Variants in DST observed in about 807,000 individuals in gnomAD.
The protein encoded by DST is bullous pemphigoid antigen.
In DST, 253 loss-of-function variants were observed where a neutral mutation model predicts 875.2. That is an observed-to-expected ratio of 0.29 (90% CI 0.26 to 0.32). DST has a LOEUF of 0.32. DST is among the 10% of genes least tolerant of loss of function. The pLI, the probability that DST is intolerant of heterozygous loss-of-function variation, is 1.00. For synonymous variants in DST, 3,124 were observed against 3,197.1 expected (o/e 0.98, Z 0.77); for missense variants, 8,287 against 9,111.6 (o/e 0.91, Z 3.68).
intron 39 of DST, among the ~76,000 whole-genome samples, chr6:56,610,070 A>C (rs2098532227): frequency 6.6e-6 from 1 of 152,172 alleles, no homozygotes; most frequent in Non-Finnish European, 1.5e-5. Flanking sequence ...ACAATCTCTA[A>C]CACATCAATG....
At chr6:56,815,618 G>A (rs2099765594) in intron 4 of DST, among the ~76,000 whole-genome samples, 1 of 152,134 alleles carries the variant, frequency 6.6e-6, no homozygotes, top group African/African-American at 2.4e-5. Context: ...AGATGCCTCT[G>A]AAGCCCAAGT....
intron 9 of DST, among the ~76,000 whole-genome samples, chr6:56,687,534 CAT>C (rs543234671): frequency 1.1e-3 from 169 of 152,292 alleles, no homozygotes; most frequent in African/African-American, 4.0e-3. Context: ...GGTACACACA[CAT>C]GGCTGAGAAC....
intron 4 of DST, among the ~76,000 whole-genome samples, chr6:56,760,738 C>G (rs1487865304): frequency 6.6e-6 from 1 of 152,144 alleles, no homozygotes; most frequent in East Asian, 1.9e-4. Flanking sequence ...ATTTGCTGAG[C>G]ACTTATTATA....
rs550746125 is a variant in DST at position 56,773,332 on chromosome 6, A to C, written c.626-38043T>G. Among the ~76,000 whole-genome samples the C allele has an allele frequency of 2.0e-4, 31 of 152,042 alleles. No individual in the cohort carries two copies. In the South Asian group the frequency reaches 5.8e-3, roughly 29 times the overall value. ...ATAAGTTATTGGTCCAGATTTATTT[A>C]GTTATTCTTTCACCCTGTCTCTTAT... On this transcript the variant is annotated intron_variant, in intron 4 of 103. Transcript: ENST00000680361.
intron 2 of DST, among the ~76,000 whole-genome samples, chr6:56,914,590 T>C (rs982619687): frequency 6.6e-6 from 1 of 152,208 alleles, no homozygotes; most frequent in Non-Finnish European, 1.5e-5. Flanking sequence ...TAGGGTGTTT[T>C]TCCCGAGGGC....
chr6:56,782,360 T>C (rs1360602604), intron 4 of DST, among the ~76,000 whole-genome samples: 2 of 152,190 alleles, frequency 1.3e-5, no homozygotes, highest in African/African-American at 2.4e-5. Context: ...TCCTGGACTC[T>C]TTTTGGTTGG....
chr6:56,681,907 C>T (rs1315576669), intron 9 of DST, among the ~76,000 whole-genome samples: 1 of 152,172 alleles, frequency 6.6e-6, no homozygotes, highest in East Asian at 1.9e-4. Flanking sequence ...CAGCCCCCAA[C>T]CAATCCACCT....
In DST at chr6:56,506,612, T is replaced by C. The variant is rs965437495; in HGVS notation, c.19362+55A>G. ...ACTTTCAACTACTGTTAACAAAATA[T>C]TTTAGTTAACTAAAAACTTTTTAAA... On this transcript the variant is annotated intron_variant, in intron 76 of 103. Coordinates refer to ENST00000680361, the MANE Select transcript of DST (RefSeq NM_001374736.1). 33 of 1,609,482 alleles carry C rather than the reference T, an allele frequency of 2.1e-5. No homozygotes were observed. In the South Asian group the frequency reaches 3.5e-4, roughly 17 times the overall value.
rs185733722 is a variant in DST, at chr6:56,607,396, C to T, written c.7232G>A (p.Cys2411Tyr). The change falls in exon 40 of 104, where the codon TGT (cysteine) becomes TAT (tyrosine). Residue 2411 changes from cysteine to tyrosine, a missense_variant. By Grantham distance (194) the Cys-to-Tyr change is radical (BLOSUM62 -2). Coordinates refer to ENST00000680361, the MANE Select transcript of DST (RefSeq NM_001374736.1). The part of the protein sequence containing the change: ...PIMKSKMSKF[C>Y]GVNETENEDN... The stretch of plus-strand genomic sequence containing the variant: ...TTCATTCTCTGTTTCATTCACACCA[C>T]AGAATTTACTCATTTTTGATTTCAT... The T allele has an allele frequency of 1.7e-4, 276 of 1,612,592 alleles. 1 individual carries two copies. The East Asian group carries it at 5.0e-3, about 29-fold the overall frequency.
At chr6:56,828,060 C>G (rs921155337) in intron 4 of DST, among the ~76,000 whole-genome samples, 1 of 152,192 alleles carries the variant, frequency 6.6e-6, no homozygotes, top group African/African-American at 2.4e-5. Context: ...CATGTAGCAT[C>G]ACATTCTCCT....
intron 85 of DST, among the ~76,000 whole-genome samples, chr6:56,490,677 C>CAA (rs1397258831): frequency 6.6e-6 from 1 of 151,902 alleles, no homozygotes; most frequent in Admixed American, 6.6e-5. Context: ...ATATCTGAGC[C>CAA]AAAAACTGAG....
chr6:56,710,799 T>C (rs1235322821), intron 5 of DST, among the ~76,000 whole-genome samples: 1 of 152,214 alleles, frequency 6.6e-6, no homozygotes, highest in African/African-American at 2.4e-5. Context: ...ATATTCTACC[T>C]AAATTATTAT....
At chr6:56,817,479 A>G (rs909786669) in intron 4 of DST, among the ~76,000 whole-genome samples, 15 of 151,120 alleles carry the variant, frequency 9.9e-5, no homozygotes, top group South Asian at 6.2e-4. Flanking sequence ...TACTGTGGGG[A>G]AAAAAAGTTT....
chr6:56,477,936 C>G (rs919701573), intron 90 of DST, among the ~76,000 whole-genome samples: 1 of 152,138 alleles, frequency 6.6e-6, no homozygotes, highest in Admixed American at 6.6e-5. Flanking sequence ...GTATGTATAT[C>G]TTCAGTACAG....
rs2095795629 is a variant in DST, at chr6:56,492,818, G to A, written c.20550+116C>T. ...AACCGGGAGGCAGAGGTTGAAGTAA[G>A]CCAAGATCACACCACCACAGTCCTG... On this transcript the variant is annotated intron_variant, in intron 84 of 103. Coordinates refer to ENST00000680361, the MANE Select transcript of DST (RefSeq NM_001374736.1). The A allele has an allele frequency of 1.5e-5, 14 of 914,102 alleles. No homozygotes were observed. In the South Asian group the frequency reaches 3.2e-4, roughly 21 times the overall value. The allele number at this position is 914,102 out of a possible 1,614,324, so 56.6% of individuals were successfully genotyped here. A position where few individuals can be genotyped will look rare whatever the true frequency, so the allele number is the denominator to read the frequency against.
chr6:56,807,236 G>A (rs1380506088), intron 4 of DST, among the ~76,000 whole-genome samples: 1 of 152,122 alleles, frequency 6.6e-6, no homozygotes, highest in Non-Finnish European at 1.5e-5. Flanking sequence ...ATGTTGTCCA[G>A]ATTGGTCTTG....
At chr6:56,614,638 T>C (rs779829010) in intron 36 of DST, 154 bp from the exon 37 acceptor site, 10 of 1,279,836 alleles carry the variant, frequency 7.8e-6, no homozygotes, top group Non-Finnish European at 9.8e-6. Context: ...ATATTTACCA[T>C]GTCACATAGC....
chr6:56,742,862 G>GT (rs1285161479), intron 4 of DST, among the ~76,000 whole-genome samples: 1 of 152,138 alleles, frequency 6.6e-6, no homozygotes, highest in Non-Finnish European at 1.5e-5. Context: ...CCACTTTTGG[G>GT]TATTTCTTTA....
chr6:56,793,035 C>T (rs1457404086), intron 4 of DST, among the ~76,000 whole-genome samples: 2 of 131,020 alleles, frequency 1.5e-5, no homozygotes, highest in African/African-American at 5.8e-5. Context: ...CACCACTGCA[C>T]TCCAGCCTGG....
Sources: allele counts gnomAD v4.1 joint callset (sites outside exome capture counted in the v4.1 genomes callset), GRCh38; gene constraint gnomAD v4.1.1; transcripts MANE v1.5; gene names NCBI Gene and HGNC (gene_info 2026-07-23, HGNC 2026-07-21).